KLF17: variants seen among roughly 807,000 people sequenced by gnomAD.
KLF17 encodes Krueppel-like factor 17.
Under a neutral mutation model 34.2 loss-of-function variants are expected in KLF17, and 31 were observed. The observed-to-expected ratio is 0.91, with a 90% CI of 0.68 to 1.22. The LOEUF (loss-of-function observed/expected upper bound fraction) is 1.22. KLF17 is among the 50% of genes most tolerant of loss of function. The pLI is 0.00. For synonymous variants in KLF17, 179 were observed against 186.7 expected (o/e 0.96, Z 0.34); for missense variants, 478 against 505.2 (o/e 0.95, Z 0.52).
At chr1:44,115,325 C>G (rs1025082842), upstream of KLF17, 1 of 151,924 alleles carries the variant, frequency 6.6e-6, no homozygotes, top group Non-Finnish European at 1.5e-5. Context: ...GTGGCAGGCG[C>G]CTGTAGTCAC....
chr1:44,121,500 C>G (rs1383149385), intron 1 of KLF17, among the ~76,000 whole-genome samples: 4 of 152,212 alleles, frequency 2.6e-5, no homozygotes, highest in Non-Finnish European at 4.4e-5. Context: ...CTGGTACGTC[C>G]AAACCAGAAT....
intron 1 of KLF17, among the ~76,000 whole-genome samples, chr1:44,119,224 A>C (rs1489455760): frequency 5.3e-5 from 8 of 151,878 alleles, no homozygotes; most frequent in Non-Finnish European, 1.0e-4. Flanking sequence ...GGGATTGGAA[A>C]GGGAGGGTTG....
rs1162275301 is a variant in KLF17, at chr1:44,129,560, G to T, written c.289G>T (p.Gly97Cys). The T allele has an allele frequency of 6.2e-7, 1 of 1,613,942 alleles. No homozygotes were observed. Among genetic ancestry groups the T allele is most frequent in the Non-Finnish European group, 8.5e-7 (1 of 1,179,950 alleles). Residue 97 changes from glycine (G) to cysteine (C), a missense_variant, in exon 2 of 4, where the codon GGT (glycine) becomes TGT (cysteine). Transcript: ENST00000372299. ...PQFSMPLPER[G>C]MSYCPQATLT... ...GTTCAGTATGCCACTGCCTGAGCGTGGTATGAGCTACTGCCCCCAAGCGAC... is the reference window on the plus strand; with the variant it reads ...GTTCAGTATGCCACTGCCTGAGCGTTGTATGAGCTACTGCCCCCAAGCGAC...
chr1:44,130,797 T>C (rs1392673103), intron 3 of KLF17, 41 bp downstream of exon 3: 4 of 1,603,302 alleles, frequency 2.5e-6, no homozygotes, highest in Non-Finnish European at 1.7e-6. Flanking sequence ...TTTTTCCTTT[T>C]TTCCTTTTTA....
chr1:44,080,130 T>C, the KLF17 span, among the ~76,000 whole-genome samples: 168 of 152,132 alleles, frequency 1.1e-3, no homozygotes, highest in Non-Finnish European at 2.1e-3. Context: ...GATTTCACCA[T>C]GTTGGCCAGG....
chr1:44,058,087 A>G, the KLF17 span, among the ~76,000 whole-genome samples: 1 of 152,250 alleles, frequency 6.6e-6, no homozygotes, highest in South Asian at 2.1e-4. Context: ...AAAAGTCAGC[A>G]GAGTGATAAT....
the KLF17 span, among the ~76,000 whole-genome samples, chr1:44,058,522 C>T: frequency 2.0e-4 from 30 of 152,240 alleles, no homozygotes; most frequent in East Asian, 5.8e-3. Flanking sequence ...AACTCCTAAC[C>T]TTGTGATCCA....
the KLF17 span, among the ~76,000 whole-genome samples, chr1:44,071,321 A>G: frequency 1.1e-4 from 16 of 152,206 alleles, no homozygotes; most frequent in South Asian, 2.1e-4. Flanking sequence ...CACCCCTCCT[A>G]TGGTTTCAGT....
At chr1:44,123,667 G>C (rs2087975380) in intron 1 of KLF17, among the ~76,000 whole-genome samples, 1 of 152,022 alleles carries the variant, frequency 6.6e-6, no homozygotes, top group Non-Finnish European at 1.5e-5. Flanking sequence ...GTTGGTTTGA[G>C]ATCTTTTTTA....
chr1:44,067,941 G>T, the KLF17 span, among the ~76,000 whole-genome samples: 1 of 152,110 alleles, frequency 6.6e-6, no homozygotes, highest in African/African-American at 2.4e-5. Context: ...GCACAAGCCT[G>T]GGTTCTCTGA....
intron 1 of KLF17, among the ~76,000 whole-genome samples, chr1:44,127,751 TTTCTTTCTTTCTTCTC>T (rs1425116617): frequency 2.7e-5 from 4 of 147,268 alleles, no homozygotes; most frequent in Non-Finnish European, 4.4e-5. Flanking sequence ...TTTCTTCTCT[TTTCTTTCTTTCTTCTC>T]TTCTTTCTTT....
At chr1:44,048,853 T>C in the KLF17 span, among the ~76,000 whole-genome samples, 5 of 152,254 alleles carry the variant, frequency 3.3e-5, no homozygotes, top group Non-Finnish European at 7.3e-5. Context: ...ACACAGTGCA[T>C]TGGGTTTAAT....
chr1:44,119,018 G>T (rs769185429), intron 1 of KLF17, 30 bp downstream of exon 1: 2 of 1,575,176 alleles, frequency 1.3e-6, no homozygotes, highest in Non-Finnish European at 1.7e-6. Context: ...CTGGCAGGCC[G>T]GGCGGGCCCA....
At chr1:44,099,961 G>A in the KLF17 span, among the ~76,000 whole-genome samples, 11 of 150,404 alleles carry the variant, frequency 7.3e-5, 1 homozygote, top group African/African-American at 2.4e-4. Context: ...ACTGGGCTGG[G>A]CACCGTTGCT....
chr1:44,114,279 T>C (rs2087860840), upstream of KLF17: 2 of 152,176 alleles, frequency 1.3e-5, no homozygotes, highest in Admixed American at 1.3e-4. Flanking sequence ...AAATCACAGA[T>C]TTCAAAATCT....
At chr1:44,125,930 C>T (rs1268345925) in intron 1 of KLF17, among the ~76,000 whole-genome samples, 2 of 152,184 alleles carry the variant, frequency 1.3e-5, no homozygotes, top group African/African-American at 4.8e-5. Flanking sequence ...TGGCTGCCAA[C>T]CTCTGTCTGC....
the KLF17 span, among the ~76,000 whole-genome samples, chr1:44,098,416 T>C: frequency 6.6e-6 from 1 of 151,922 alleles, no homozygotes; most frequent in Non-Finnish European, 1.5e-5. Context: ...ACTTTTTGTT[T>C]TGTAGGTCTT....
chr1:44,084,857 T>C, the KLF17 span, among the ~76,000 whole-genome samples: 1 of 150,148 alleles, frequency 6.7e-6, no homozygotes, highest in South Asian at 2.1e-4. Flanking sequence ...GCAGAATGCT[T>C]GAGCCCAGGA....
chr1:44,078,434 C>CTTTT, the KLF17 span, among the ~76,000 whole-genome samples: 40 of 122,044 alleles, frequency 3.3e-4, no homozygotes, highest in East Asian at 2.0e-3. Flanking sequence ...GCTTTTCCTT[C>CTTTT]TTCTTTTTTT....
Sources: allele counts gnomAD v4.1 joint callset (sites outside exome capture counted in the v4.1 genomes callset), GRCh38; gene constraint gnomAD v4.1.1; transcripts MANE v1.5; gene names NCBI Gene and HGNC (gene_info 2026-07-23, HGNC 2026-07-21).